AGPAT3: variants seen among roughly 807,000 people sequenced by gnomAD.
The protein encoded by AGPAT3 is 1-acylglycerol-3-phosphate O-acyltransferase 3.
In AGPAT3, 5 loss-of-function variants were observed where a neutral mutation model predicts 47.3. The observed-to-expected ratio is 0.11, with a 90% CI of 0.06 to 0.22. The LOEUF (loss-of-function observed/expected upper bound fraction) is 0.22, where lower values mean the gene tolerates loss of function less well. Ranked by LOEUF, AGPAT3 falls within the 10% of genes least tolerant of loss-of-function variation. The pLI, the probability that AGPAT3 is intolerant of heterozygous loss-of-function variation, is 1.00. For missense variants in AGPAT3, 315 were observed against 493.0 expected (o/e 0.64, Z 3.42); for synonymous variants, 212 against 208.3 (o/e 1.02, Z -0.15).
At chr21:43,878,071 T>C (rs941336056) in intron 1 of AGPAT3, among the ~76,000 whole-genome samples, 1 of 152,078 alleles carries the variant, frequency 6.6e-6, no homozygotes, top group Admixed American at 6.5e-5. Context: ...AGGCAGCCTT[T>C]CAGTGGCCCT....
At chr21:43,974,550 T>C (rs2089530386) in intron 7 of AGPAT3, among the ~76,000 whole-genome samples, 1 of 145,204 alleles carries the variant, frequency 6.9e-6, no homozygotes, top group African/African-American at 2.8e-5. Flanking sequence ...AAATTATATG[T>C]GTGTGGTGTG....
intron 1 of AGPAT3, among the ~76,000 whole-genome samples, chr21:43,876,523 G>T (rs1055886902): frequency 3.3e-5 from 5 of 152,200 alleles, no homozygotes; most frequent in Admixed American, 3.3e-4. Context: ...TGATTTCCTG[G>T]GCTCACAAAG....
At chr21:43,918,171 TGTTGTGGGA>T (rs1483406380) in intron 2 of AGPAT3, among the ~76,000 whole-genome samples, 43 of 89,020 alleles carry the variant, frequency 4.8e-4, no homozygotes, top group Admixed American at 2.0e-3. Flanking sequence ...GAGTTGTGGG[TGTTGTGGGA>T]GTTGTGGGTG....
rs566443988 is a variant in AGPAT3 at position 43,900,133 on chromosome 21, T to C, written c.-111-3824T>C. ...GCTTTTGTTCTCTTCCAGAGACGGCTGTCAAGCTGGCTCTGCAAGTCAGGC... is the reference window on the plus strand; with the variant it reads ...GCTTTTGTTCTCTTCCAGAGACGGCCGTCAAGCTGGCTCTGCAAGTCAGGC... On this transcript the variant is annotated intron_variant, in intron 1 of 9. Transcript: ENST00000291572. Among the ~76,000 whole-genome samples, 90 of 152,338 alleles carry C rather than the reference T, an allele frequency of 5.9e-4. 1 individual carries two copies. Among genetic ancestry groups the C allele is most frequent in the African/African-American group, 2.1e-3 (87 of 41,584 alleles).
chr21:43,917,916 T>G (rs2086778495), intron 2 of AGPAT3, among the ~76,000 whole-genome samples: 2 of 63,742 alleles, frequency 3.1e-5, no homozygotes, highest in Non-Finnish European at 5.4e-5. Context: ...TTGTGGGTGT[T>G]GTAGGGGGTG....
At chr21:43,882,377 T>G (rs2123592458) in intron 1 of AGPAT3, among the ~76,000 whole-genome samples, 1 of 152,378 alleles carries the variant, frequency 6.6e-6, no homozygotes, top group Middle Eastern at 3.4e-3. Flanking sequence ...ATCTGGAAAC[T>G]CTTGCACGCG....
intron 1 of AGPAT3, among the ~76,000 whole-genome samples, chr21:43,892,481 C>T (rs1393726858): frequency 6.6e-6 from 1 of 152,086 alleles, no homozygotes; most frequent in African/African-American, 2.4e-5. Flanking sequence ...ATCCTTTTTT[C>T]CTGAGCAGTA....
rs868625614 is a variant in AGPAT3, at chr21:43,879,959, C to T, written c.-112+14614C>T. Reference sequence around the variant, plus strand: ...CCTGGCATGTGGGCCTCTCCCTATGCTCCTGGGGTGGAACTGAGAAGACGT... The same window carrying T: ...CCTGGCATGTGGGCCTCTCCCTATGTTCCTGGGGTGGAACTGAGAAGACGT... On this transcript the variant is annotated intron_variant, in intron 1 of 9. Transcript: ENST00000291572. Among the ~76,000 whole-genome samples, 3 of 152,328 alleles carry T rather than the reference C, an allele frequency of 2.0e-5. No homozygotes were observed. The South Asian group carries it at 6.2e-4, about 32-fold the overall frequency.
At chr21:43,961,017 G>A (rs2088806400) in intron 3 of AGPAT3, among the ~76,000 whole-genome samples, 2 of 152,040 alleles carry the variant, frequency 1.3e-5, no homozygotes, top group South Asian at 4.2e-4. Context: ...GTACACACCT[G>A]TAATCCCAGC....
chr21:43,941,436 A>C (rs1311043503), intron 2 of AGPAT3, among the ~76,000 whole-genome samples: 1 of 152,324 alleles, frequency 6.6e-6, no homozygotes, highest in East Asian at 1.9e-4. Context: ...CAAAAGACAG[A>C]ATCCTAAGGC....
chr21:43,886,551 C>G (rs942739706), intron 1 of AGPAT3, among the ~76,000 whole-genome samples: 1 of 152,178 alleles, frequency 6.6e-6, no homozygotes, highest in Non-Finnish European at 1.5e-5. Flanking sequence ...CACACCTGGC[C>G]AAATACTAGG....
intron 1 of AGPAT3, among the ~76,000 whole-genome samples, chr21:43,903,129 C>A (rs1316417551): frequency 2.0e-5 from 3 of 152,170 alleles, no homozygotes; most frequent in African/African-American, 7.2e-5. Context: ...GCTTTGAGGA[C>A]ATTATACTGA....
intron 1 of AGPAT3, among the ~76,000 whole-genome samples, chr21:43,875,936 T>G (rs1462900965): frequency 6.6e-6 from 1 of 152,010 alleles, no homozygotes; most frequent in Non-Finnish European, 1.5e-5. Context: ...AACCTGTTAT[T>G]GTTGTTCTTT....
chr21:43,893,946 G>C (rs181295319), intron 1 of AGPAT3, among the ~76,000 whole-genome samples: 5 of 152,346 alleles, frequency 3.3e-5, no homozygotes, highest in Admixed American at 3.3e-4. Flanking sequence ...ACAGACGCCA[G>C]AAGTGAGCAC....
chr21:43,907,715 T>TCAA (rs923397994), intron 2 of AGPAT3, among the ~76,000 whole-genome samples: 30 of 152,218 alleles, frequency 2.0e-4, no homozygotes, highest in Non-Finnish European at 3.5e-4. Flanking sequence ...AGACTCCGTC[T>TCAA]CAACAACAAC....
chr21:43,944,977 C>T (rs980356732), intron 2 of AGPAT3, among the ~76,000 whole-genome samples: 1 of 152,236 alleles, frequency 6.6e-6, no homozygotes, highest in Non-Finnish European at 1.5e-5. Context: ...AAGGGTCCCT[C>T]GGGGTCTACC....
chr21:43,924,938 C>G (rs2087004569), intron 2 of AGPAT3: 1 of 152,278 alleles, frequency 6.6e-6, no homozygotes, highest in African/African-American at 2.4e-5. Context: ...TGACCTTTTA[C>G]CTGAGCTGTG....
chr21:43,984,498 A>G lies in AGPAT3; in HGVS notation c.*2106A>G, dbSNP rs1601498208. 1 of 152,886 alleles carries G rather than the reference A, an allele frequency of 6.5e-6. No homozygotes were observed. The highest frequency in any genetic ancestry group is 1.5e-5 in the Non-Finnish European group (1 of 68,336). The allele number at this position is 152,886 out of a possible 1,614,324, so 9.5% of individuals were successfully genotyped here. On this transcript the variant is annotated 3_prime_UTR_variant, in exon 10 of 10. Coordinates refer to ENST00000291572, the MANE Select transcript of AGPAT3 (RefSeq NM_020132.5). Reference sequence around the variant, plus strand: ...GAAGTTCCCTCCCTTTGAAATTAATATATAATGTATAAATTCTGCACTGAG... The same window carrying G: ...GAAGTTCCCTCCCTTTGAAATTAATGTATAATGTATAAATTCTGCACTGAG...
At chr21:43,916,188 T>C (rs970221075) in intron 2 of AGPAT3, 4 of 152,212 alleles carry the variant, frequency 2.6e-5, no homozygotes, top group African/African-American at 9.6e-5. Flanking sequence ...CATGGGATAC[T>C]GAAAAAAGAA....
Sources: gnomAD v4.1 joint callset for allele counts (sites outside exome capture counted in the v4.1 genomes callset) on GRCh38, gnomAD v4.1.1 for gene constraint, MANE v1.5 for transcripts, NCBI Gene and HGNC (gene_info 2026-07-23, HGNC 2026-07-21) for gene names.